Variants in PSPC1 observed in about 807,000 individuals in gnomAD.
PSPC1 encodes the protein paraspeckle protein 1.
Under a neutral mutation model 51.6 loss-of-function variants are expected in PSPC1, and 14 were observed. The observed-to-expected ratio is 0.27, with a 90% CI of 0.18 to 0.42. PSPC1 has a LOEUF of 0.42. PSPC1 is among the 10% of genes least tolerant of loss of function. The pLI is 1.00. For synonymous variants in PSPC1, 193 were observed against 231.9 expected (o/e 0.83, Z 1.53); for missense variants, 406 against 701.1 (o/e 0.58, Z 4.75).
chr13:19,674,380 TATTG>T (rs999397437), downstream of PSPC1, among the ~76,000 whole-genome samples: 9 of 152,240 alleles, frequency 5.9e-5, no homozygotes, highest in African/African-American at 2.2e-4. Flanking sequence ...GTAAATCCTG[TATTG>T]ATTCTTAAAT....
chr13:19,729,638 T>C (rs1337048795), intron 6 of PSPC1, among the ~76,000 whole-genome samples: 1 of 145,612 alleles, frequency 6.9e-6, no homozygotes, highest in Admixed American at 6.9e-5. Context: ...ACCAAATGTT[T>C]AAAAAAAAAA....
downstream of PSPC1, among the ~76,000 whole-genome samples, chr13:19,671,675 C>A (rs191050042): frequency 2.0e-5 from 3 of 152,300 alleles, no homozygotes; most frequent in East Asian, 5.8e-4. Context: ...GGAATTATTT[C>A]TTGAATTAAA....
At chr13:19,776,517 A>ATT (rs763415535) in intron 1 of PSPC1, among the ~76,000 whole-genome samples, 1 of 146,194 alleles carries the variant, frequency 6.8e-6, no homozygotes, top group Non-Finnish European at 1.5e-5. Flanking sequence ...CTATATGCAA[A>ATT]TTTTTTTTTT....
chr13:19,767,267 G>C (rs971228099), intron 2 of PSPC1, among the ~76,000 whole-genome samples: 5 of 152,160 alleles, frequency 3.3e-5, no homozygotes, highest in Admixed American at 6.6e-5. Flanking sequence ...TCTCTGACAA[G>C]ATTGTGTTGT....
intron 4 of PSPC1, among the ~76,000 whole-genome samples, chr13:19,745,120 C>A (rs368716191): frequency 3.3e-5 from 5 of 152,024 alleles, no homozygotes; most frequent in Non-Finnish European, 7.4e-5. Context: ...GAGTTTGAGA[C>A]CTGCCTGGCC....
chr13:19,732,704 A>G (rs981411394), intron 5 of PSPC1, among the ~76,000 whole-genome samples: 2 of 152,130 alleles, frequency 1.3e-5, no homozygotes, highest in African/African-American at 4.8e-5. Flanking sequence ...AGGCAGGTGA[A>G]TCACCTGAGG....
chr13:19,728,437 TAAACACACACAC>T (rs1405837040), intron 6 of PSPC1, among the ~76,000 whole-genome samples: 9 of 83,720 alleles, frequency 1.1e-4, no homozygotes, highest in Non-Finnish European at 1.7e-4. Flanking sequence ...TTTCAAAGCT[TAAACACACACAC>T]ACACACACAC....
intron 3 of PSPC1, among the ~76,000 whole-genome samples, chr13:19,757,151 A>G (rs1358669206): frequency 6.7e-6 from 1 of 150,294 alleles, no homozygotes; most frequent in African/African-American, 2.4e-5. Context: ...AAAAAAAGAA[A>G]GAAAGACTGT....
At chr13:19,750,378 G>A (rs745715149) in intron 4 of PSPC1, among the ~76,000 whole-genome samples, 9 of 151,804 alleles carry the variant, frequency 5.9e-5, no homozygotes, top group Admixed American at 1.3e-4. Context: ...GCTGCAGGGA[G>A]ACAATATGGC....
At position 19,696,971 on chromosome 13, in the gene PSPC1, T is replaced by C. The variant is rs534648925; in HGVS notation, c.1159-19148A>G. 5.3e-5 allele frequency among the ~76,000 whole-genome samples: 8 copies of C among 152,322 alleles called. 1 individual carries two copies. Among genetic ancestry groups the C allele is most frequent in the African/African-American group, 1.9e-4 (8 of 41,578 alleles). On this transcript the variant is annotated intron_variant and NMD_transcript_variant, in intron 6 of 7. Transcript: ENST00000471658. ...AAATAACACTCAATAGCTAATATGT[T>C]TCCTAGTCAGAAATAATGGACTTTT...
At chr13:19,768,565 G>C (rs568843335) in intron 2 of PSPC1, among the ~76,000 whole-genome samples, 1 of 149,404 alleles carries the variant, frequency 6.7e-6, no homozygotes, top group Non-Finnish European at 1.5e-5. Flanking sequence ...GGAGAATGGC[G>C]TGAACCCGGG....
intron 3 of PSPC1, among the ~76,000 whole-genome samples, chr13:19,756,214 G>A (rs1391899634): frequency 6.6e-6 from 1 of 152,090 alleles, no homozygotes; most frequent in African/African-American, 2.4e-5. Flanking sequence ...CTCCAGCCTG[G>A]ATGACAAAGT....
intron 6 of PSPC1, among the ~76,000 whole-genome samples, chr13:19,681,733 T>A (rs1301862523): frequency 6.6e-6 from 1 of 152,188 alleles, no homozygotes; most frequent in Non-Finnish European, 1.5e-5. Flanking sequence ...TTATCTAACA[T>A]AACCACCAGA....
intron 5 of PSPC1, among the ~76,000 whole-genome samples, chr13:19,731,410 TG>T (rs869090853): frequency 8.6e-5 from 2 of 23,238 alleles, no homozygotes; most frequent in Non-Finnish European, 5.3e-4. Context: ...AATCTGGATT[TG>T]TTGTTGTTGT....
intron 6 of PSPC1, among the ~76,000 whole-genome samples, chr13:19,728,138 A>G (rs1883578802): frequency 6.6e-6 from 1 of 152,202 alleles, no homozygotes; most frequent in Admixed American, 6.5e-5. Flanking sequence ...GCTGACAAAC[A>G]AAAAGATGAC....
intron 4 of PSPC1, 67 bp from the exon 5 acceptor site, chr13:19,741,716 T>C (rs750317449): frequency 2.6e-5 from 27 of 1,022,348 alleles, no homozygotes; most frequent in Middle Eastern, 3.2e-4. Context: ...CCAATAAGCA[T>C]AGAAGTTCTC....
chr13:19,752,464 A>T (rs1886652194), intron 3 of PSPC1, among the ~76,000 whole-genome samples: 1 of 152,270 alleles, frequency 6.6e-6, no homozygotes, highest in Non-Finnish European at 1.5e-5. Flanking sequence ...TATAAAAAAT[A>T]TGACTGATCT....
At chr13:19,736,470 TCAG>T (rs1318295892) in intron 5 of PSPC1, among the ~76,000 whole-genome samples, 5 of 151,878 alleles carry the variant, frequency 3.3e-5, no homozygotes, top group South Asian at 4.2e-4. Flanking sequence ...GATCACAAGG[TCAG>T]CAGATCGAGA....
At chr13:19,761,187 G>GA (rs897981192) in intron 2 of PSPC1, among the ~76,000 whole-genome samples, 1 of 151,976 alleles carries the variant, frequency 6.6e-6, no homozygotes, top group African/African-American at 2.4e-5. Context: ...GACAAAAAGG[G>GA]AAAAAGGGAA....
Sources: allele counts gnomAD v4.1 joint callset (sites outside exome capture counted in the v4.1 genomes callset), GRCh38; gene constraint gnomAD v4.1.1; transcripts MANE v1.5; gene names NCBI Gene and HGNC (gene_info 2026-07-23, HGNC 2026-07-21).